CCNC: variants seen among roughly 807,000 people sequenced by gnomAD.
The protein encoded by CCNC is cyclin C, also known as cyclin-C.
A neutral mutation model predicts 50.0 loss-of-function variants in CCNC; 19 were observed. That is an observed-to-expected ratio of 0.38 (90% CI 0.27 to 0.56). The LOEUF is 0.56. CCNC is among the 20% of genes least tolerant of loss of function. The probability of loss-of-function intolerance (pLI) is 0.72; values close to 1 mark genes in which losing one functional copy is unlikely to be tolerated. For missense variants in CCNC, 200 were observed against 327.1 expected (o/e 0.61, Z 3.00); for synonymous variants, 93 against 103.7 (o/e 0.90, Z 0.63).
intron 5 of CCNC, among the ~76,000 whole-genome samples, chr6:99,556,753 T>C (rs770907883): frequency 3.0e-4 from 45 of 152,198 alleles, no homozygotes; most frequent in Admixed American, 5.2e-4. Flanking sequence ...AAACCCCATC[T>C]CTACTAAAAA....
Position 99,558,483 on chromosome 6 carries a change from CT to C in CCNC, c.346+13del. On this transcript the variant is annotated intron_variant, in intron 5 of 11. Coordinates refer to ENST00000520429, the MANE Select transcript of CCNC (RefSeq NM_005190.4). Reference sequence around the variant, plus strand: ...GAATTACATCCTTAAAGCAGATATACTTTTTGCACTTACATACAGAAGTAGC... The same window carrying C: ...GAATTACATCCTTAAAGCAGATATACTTTTGCACTTACATACAGAAGTAGC... 1 of 1,610,990 alleles carries C rather than the reference CT, an allele frequency of 6.2e-7. No individual in the cohort carries two copies. Among genetic ancestry groups the C allele is most frequent in the South Asian group, 1.1e-5 (1 of 90,588 alleles).
chr6:99,561,317 C>T lies in CCNC; in HGVS notation c.294+50G>A, dbSNP rs775469544. ...CCATGTGAAAACTGGGGCAGATTAA[C>T]CAACATACATTGACTACACTTTGAT... On this transcript the variant is annotated intron_variant, in intron 4 of 11. Transcript: ENST00000520429. 4 of 1,223,530 alleles carry T rather than the reference C, an allele frequency of 3.3e-6. No homozygotes were observed. The South Asian group carries it at 4.9e-5, about 15-fold the overall frequency. The allele number at this position is 1,223,530 out of a possible 1,614,324, so 75.8% of individuals were successfully genotyped here.
At chr6:99,566,996 C>T (rs565732089) in intron 1 of CCNC, 26 of 450,282 alleles carry the variant, frequency 5.8e-5, no homozygotes, top group African/African-American at 3.2e-4. Flanking sequence ...TCCATGACTG[C>T]TCAAGGGATT....
chr6:99,555,477 G>A (rs989850454), intron 5 of CCNC, among the ~76,000 whole-genome samples: 8 of 151,180 alleles, frequency 5.3e-5, no homozygotes, highest in Non-Finnish European at 7.4e-5. Context: ...TTACTCCATT[G>A]CCCAGGCTGG....
chr6:99,568,760 A>AATCCCAGCATTTTGGGAG, upstream of CCNC: 3 of 1,359,052 alleles, frequency 2.2e-6, no homozygotes, highest in Non-Finnish European at 2.9e-6. Context: ...GGCCCGCGGT[A>AATCCCAGCATTTTGGGAG]GCGGAGGGAG....
intron 1 of CCNC, 184 bp downstream of exon 1, chr6:99,568,310 CTG>C (rs1018036751): frequency 2.2e-5 from 13 of 599,540 alleles, no homozygotes; most frequent in Non-Finnish European, 3.0e-5. Flanking sequence ...CTCCCCGAAA[CTG>C]GGGCTGGGGG....
chr6:99,550,827 C>G (rs1196639848), intron 7 of CCNC, 166 bp downstream of exon 7: 1 of 331,756 alleles, frequency 3.0e-6, no homozygotes, highest in Non-Finnish European at 5.6e-6. Flanking sequence ...TTACAGGCTT[C>G]AGAGAGACTC....
At chr6:99,566,770 C>T (rs1017038278) in intron 1 of CCNC, 1 of 232,616 alleles carries the variant, frequency 4.3e-6, no homozygotes, top group Non-Finnish European at 8.7e-6. Flanking sequence ...TAGGATTCAT[C>T]ATTATTTCAT....
At chr6:99,553,713 C>T (rs1026697780) in intron 5 of CCNC, among the ~76,000 whole-genome samples, 1 of 152,142 alleles carries the variant, frequency 6.6e-6, no homozygotes, top group Non-Finnish European at 1.5e-5. Flanking sequence ...GACTCAAACA[C>T]TGAGATCATG....
intron 5 of CCNC, 117 bp from the exon 6 acceptor site, chr6:99,552,012 T>C (rs998076553): frequency 2.5e-5 from 15 of 591,234 alleles, no homozygotes; most frequent in Admixed American, 2.4e-4. Flanking sequence ...GTAGGAATTC[T>C]TGGCAACACT....
intron 1 of CCNC, chr6:99,567,131 T>A (rs1164002650): frequency 9.1e-6 from 2 of 219,714 alleles, no homozygotes; most frequent in East Asian, 1.4e-4. Flanking sequence ...ATTTTTAGAA[T>A]GCTATGAATA....
chr6:99,544,140 A>G, intron 11 of CCNC: 1 of 1,478,462 alleles, frequency 6.8e-7, no homozygotes, highest in South Asian at 1.3e-5. Context: ...CTTAAAATAA[A>G]AATGCTGAAT....
At position 99,551,025 on chromosome 6, in the gene CCNC, A is replaced by C; in HGVS notation, c.406T>G (p.Leu136Val). Residue 136 changes from leucine (L) to valine (V), a missense_variant, in exon 7 of 12, where the codon TTA (leucine) becomes GTA (valine). Coordinates refer to ENST00000520429, the MANE Select transcript of CCNC (RefSeq NM_005190.4). ...KEFPYRMNHI[L>V]ECEFYLLELM... ...TCTAACAGATAGAATTCACATTCTA[A>C]TATCTGTTTAAAACAAAGATTATCA... 9.0e-7 allele frequency: 1 copy of C among 1,112,358 alleles called. No homozygotes were observed. The highest frequency in any genetic ancestry group is 1.2e-6 in the Non-Finnish European group (1 of 804,002). 68.9% of individuals were successfully genotyped at this position (1,112,358 alleles called of 1,614,324 possible).
chr6:99,563,126 C>T (rs538851493), intron 1 of CCNC, among the ~76,000 whole-genome samples, 178 bp from the exon 2 acceptor site: 18 of 152,218 alleles, frequency 1.2e-4, no homozygotes, highest in Non-Finnish European at 1.9e-4. Flanking sequence ...AATGTAAATA[C>T]GTCCTGAAAA....
chr6:99,547,127 C>T (rs1802101666), intron 9 of CCNC, among the ~76,000 whole-genome samples: 1 of 152,108 alleles, frequency 6.6e-6, no homozygotes, highest in South Asian at 2.1e-4. Context: ...AAAACAATTT[C>T]TACTGAGCAG....
chr6:99,557,146 CT>C (rs892602023), intron 5 of CCNC: 2 of 152,216 alleles, frequency 1.3e-5, no homozygotes, highest in African/African-American at 4.8e-5. Context: ...TCACCAAGTT[CT>C]ACTTAATCCT....
intron 5 of CCNC, among the ~76,000 whole-genome samples, chr6:99,552,489 C>T (rs1802342031): frequency 6.6e-6 from 1 of 151,840 alleles, no homozygotes; most frequent in African/African-American, 2.4e-5. Flanking sequence ...AGTAGTAACA[C>T]ATAAAGTTAG....
intron 11 of CCNC, chr6:99,544,336 A>G: frequency 2.0e-6 from 3 of 1,483,054 alleles, no homozygotes; most frequent in Non-Finnish European, 2.7e-6. Flanking sequence ...CCTTGAATAA[A>G]GTATTAACTT....
At position 99,558,917 on chromosome 6, in the gene CCNC, A is replaced by T. The variant is rs151097911; in HGVS notation, c.295-369T>A. The stretch of plus-strand genomic sequence containing the variant: ...ATTCTGCCTGTATTACCTCTCCCCC[A>T]AATTGCTACAACTTAAGACATATTT... On this transcript the variant is annotated intron_variant, in intron 4 of 11. Transcript: ENST00000520429. Among the ~76,000 whole-genome samples the T allele has an allele frequency of 5.9e-3, 898 of 152,264 alleles. 3 individuals carry two copies. The highest frequency in any genetic ancestry group is 9.8e-3 in the Non-Finnish European group (669 of 68,012).
Sources: gnomAD v4.1 joint callset for allele counts (sites outside exome capture counted in the v4.1 genomes callset) on GRCh38, gnomAD v4.1.1 for gene constraint, MANE v1.5 for transcripts, NCBI Gene and HGNC (gene_info 2026-07-23, HGNC 2026-07-21) for gene names.